SLC24A2: variants seen among roughly 807,000 people sequenced by gnomAD.
The protein encoded by SLC24A2 is solute carrier family 24 member 2.
Under a neutral mutation model 62.0 loss-of-function variants are expected in SLC24A2, and 36 were observed. That is an observed-to-expected ratio of 0.58 (90% CI 0.44 to 0.77). SLC24A2 has a LOEUF of 0.77. Ranked by LOEUF, SLC24A2 falls within the 30% of genes least tolerant of loss-of-function variation. SLC24A2 has a pLI of 0.00. For synonymous variants in SLC24A2, 358 were observed against 294.0 expected, an observed-to-expected ratio of 1.22 and a Z score of -2.23; for missense variants, 846 against 817.9, an observed-to-expected ratio of 1.03 and a Z score of -0.42.
At chr9:19,782,975 TA>T (rs1358078298) in intron 2 of SLC24A2, among the ~76,000 whole-genome samples, 1 of 152,086 alleles carries the variant, frequency 6.6e-6, no homozygotes, top group Non-Finnish European at 1.5e-5. Context: ...TTAAAAAGGG[TA>T]GTAGCATCAC....
At chr9:19,708,756 C>A (rs1490193972) in intron 2 of SLC24A2, among the ~76,000 whole-genome samples, 1 of 152,176 alleles carries the variant, frequency 6.6e-6, no homozygotes. Context: ...AAAATTAATT[C>A]AAGATGGATT....
At chr9:19,608,922 T>C (rs745355042) in intron 4 of SLC24A2, among the ~76,000 whole-genome samples, 1 of 152,152 alleles carries the variant, frequency 6.6e-6, no homozygotes, top group Non-Finnish European at 1.5e-5. Context: ...AACCACGTTT[T>C]GGTTGGGACA....
At chr9:20,169,977 A>G in the SLC24A2 span, among the ~76,000 whole-genome samples, 1 of 152,116 alleles carries the variant, frequency 6.6e-6, no homozygotes, top group South Asian at 2.1e-4. Context: ...AATAGACAGC[A>G]TAAGCAAAAA....
At chr9:20,160,996 A>G in the SLC24A2 span, among the ~76,000 whole-genome samples, 1 of 151,408 alleles carries the variant, frequency 6.6e-6, no homozygotes, top group South Asian at 2.1e-4. Flanking sequence ...CTACCAAATA[A>G]TTTAATTTAA....
chr9:20,104,175 G>A, the SLC24A2 span, among the ~76,000 whole-genome samples: 11 of 152,152 alleles, frequency 7.2e-5, no homozygotes, highest in South Asian at 2.1e-4. Context: ...AATGAACAAA[G>A]CCTCCAAGAA....
chr9:20,060,013 A>ATGTT, the SLC24A2 span, among the ~76,000 whole-genome samples: 1 of 152,118 alleles, frequency 6.6e-6, no homozygotes, highest in Non-Finnish European at 1.5e-5. Flanking sequence ...CTATAAGAGA[A>ATGTT]CACTATGAAC....
At chr9:20,258,872 C>G in the SLC24A2 span, among the ~76,000 whole-genome samples, 2 of 151,564 alleles carry the variant, frequency 1.3e-5, no homozygotes, top group African/African-American at 4.9e-5. Context: ...ATCTATCCAT[C>G]CATCCATCCA....
chr9:19,610,071 G>A (rs1036808501), intron 4 of SLC24A2, among the ~76,000 whole-genome samples: 2 of 152,164 alleles, frequency 1.3e-5, no homozygotes, highest in African/African-American at 2.4e-5. Context: ...GCTTTAGTTC[G>A]ATTACAGGTG....
the SLC24A2 span, among the ~76,000 whole-genome samples, chr9:19,857,323 C>A: frequency 1.3e-5 from 2 of 152,152 alleles, no homozygotes; most frequent in Admixed American, 6.5e-5. Flanking sequence ...GTGGGCCTAG[C>A]AAGGTAATCT....
intron 2 of SLC24A2, among the ~76,000 whole-genome samples, chr9:19,732,084 A>G (rs1470780031): frequency 2.1e-5 from 3 of 145,714 alleles, no homozygotes; most frequent in Non-Finnish European, 4.5e-5. Flanking sequence ...GATGTCCAAT[A>G]TAAGACCTTA....
rs144697315 is a variant in SLC24A2, at chr9:19,611,654, G to A, written c.1078+7930C>T. ...GACAAGTTTGGGGCATGCCTTTTCT[G>A]GGGAAAGATTCAGGGCCACTGTGAA... On this transcript the variant is annotated intron_variant, in intron 4 of 10. Transcript: ENST00000341998. 2.0e-4 allele frequency among the ~76,000 whole-genome samples: 31 copies of A among 152,192 alleles called. No individual in the cohort carries two copies. The East Asian group carries it at 3.3e-3, about 16-fold the overall frequency.
intron 2 of SLC24A2, among the ~76,000 whole-genome samples, chr9:19,723,922 G>A (rs1328668804): frequency 6.6e-6 from 1 of 151,858 alleles, no homozygotes; most frequent in African/African-American, 2.4e-5. Context: ...CTGTTGATGT[G>A]AGCATTTTGC....
rs566488367 is a variant in SLC24A2, at chr9:19,775,978, A to G, written c.930+9959T>C. On this transcript the variant is annotated intron_variant, in intron 2 of 10. Transcript: ENST00000341998. ...GGTGGTCCATGAAATTATTTTAGAA[A>G]GTTGACACCAGTATTTTTAATAGAA... Among the ~76,000 whole-genome samples the G allele has an allele frequency of 7.2e-5, 11 of 152,386 alleles. No individual in the cohort carries two copies. The South Asian group carries it at 1.7e-3, about 23-fold the overall frequency.
At chr9:20,085,113 A>G in the SLC24A2 span, among the ~76,000 whole-genome samples, 1 of 152,184 alleles carries the variant, frequency 6.6e-6, no homozygotes, top group African/African-American at 2.4e-5. Context: ...CTCCCACCTC[A>G]GCCTCCAGAG....
chr9:19,850,987 A>G, the SLC24A2 span, among the ~76,000 whole-genome samples: 38 of 45,918 alleles, frequency 8.3e-4, 1 homozygote, highest in South Asian at 0.014. Context: ...ATATATATGT[A>G]TATATATATA....
the SLC24A2 span, among the ~76,000 whole-genome samples, chr9:20,047,643 C>T: frequency 7.0e-6 from 1 of 142,036 alleles, no homozygotes; most frequent in Non-Finnish European, 1.6e-5. Context: ...CCCACTACCT[C>T]ATGGAGGGCC....
chr9:20,201,719 G>GT, the SLC24A2 span, among the ~76,000 whole-genome samples: 16 of 152,098 alleles, frequency 1.1e-4, no homozygotes, highest in Admixed American at 8.5e-4. Context: ...GATGGAAACA[G>GT]TTTTTTAAAA....
intron 8 of SLC24A2, among the ~76,000 whole-genome samples, chr9:19,541,658 T>C (rs1203427554): frequency 6.7e-6 from 1 of 148,250 alleles, no homozygotes; most frequent in Non-Finnish European, 1.5e-5. Flanking sequence ...GCTGTCTTTT[T>C]GTTTGTCTGT....
At chr9:19,704,321 C>A (rs150465109) in intron 2 of SLC24A2, among the ~76,000 whole-genome samples, 1 of 152,036 alleles carries the variant, frequency 6.6e-6, no homozygotes, top group Non-Finnish European at 1.5e-5. Context: ...ATAATTAGTT[C>A]CATATGATAC....
Sources: allele counts gnomAD v4.1 joint callset (sites outside exome capture counted in the v4.1 genomes callset), GRCh38; gene constraint gnomAD v4.1.1; transcripts MANE v1.5; gene names NCBI Gene and HGNC (gene_info 2026-07-23, HGNC 2026-07-21).